ACSF3: variants seen among roughly 807,000 people sequenced by gnomAD.
The protein encoded by ACSF3 is malonate--CoA ligase ACSF3, mitochondrial.
Under a neutral mutation model 53.2 loss-of-function variants are expected in ACSF3, and 78 were observed. The observed-to-expected ratio is 1.47, with a 90% CI of 1.22 to 1.77. The LOEUF (loss-of-function observed/expected upper bound fraction) is 1.77, where lower values mean the gene tolerates loss of function less well. Among genes scored for constraint, ACSF3 ranks in the 40% most tolerant of loss-of-function variants. The pLI, the probability that ACSF3 is intolerant of heterozygous loss-of-function variation, is 0.00. For missense variants in ACSF3, 937 were observed against 771.1 expected, an observed-to-expected ratio of 1.22 and a Z score of -2.55; for synonymous variants, 414 against 333.1, an observed-to-expected ratio of 1.24 and a Z score of -2.65.
rs1417310668 is a variant in ACSF3 at position 89,155,299 on chromosome 16, AAG to A, written c.*1095_*1096del. ...TTCTGCCCCCGGAATGCACGTCTGAAAGAGTGGCCAGAAACGAGTGTGCCGGG... is the reference window on the plus strand; with the variant it reads ...TTCTGCCCCCGGAATGCACGTCTGAAAGTGGCCAGAAACGAGTGTGCCGGG... On this transcript the variant is annotated 3_prime_UTR_variant, in exon 11 of 11. Transcript: ENST00000614302. The A allele has an allele frequency of 4.4e-6, 2 of 453,968 alleles. No individual in the cohort carries two copies. The highest frequency in any genetic ancestry group is 6.9e-5 in the East Asian group (1 of 14,402). The allele number at this position is 453,968 out of a possible 1,614,324, so 28.1% of individuals were successfully genotyped here.
Position 89,100,882 on chromosome 16 carries a change from G to C in ACSF3, c.201G>C (p.Thr67=). Residue 67 remains threonine, a synonymous_variant, in exon 3 of 11, where the codon ACG becomes ACC. Coordinates refer to ENST00000614302, the MANE Select transcript of ACSF3 (RefSeq NM_001243279.3). The part of the protein sequence containing the change: ...IALVDQHGRH[T]YRELYSRSLR... ...TGGTTGACCAGCACGGCCGCCACAC[G>C]TACAGGGAGCTTTATTCCCGCAGCC... is the stretch of plus-strand genomic sequence containing the variant. 6.2e-7 allele frequency: 1 copy of C among 1,613,780 alleles called. No individual in the cohort carries two copies. The highest frequency in any genetic ancestry group is 1.1e-5 in the South Asian group (1 of 91,084).
chr16:89,133,768 T>C (rs1909836015), intron 8 of ACSF3, among the ~76,000 whole-genome samples: 1 of 152,234 alleles, frequency 6.6e-6, no homozygotes. Context: ...GCAGTGCGGC[T>C]GTTTGTTTAC....
chr16:89,116,885 C>T (rs1905217273), intron 6 of ACSF3, among the ~76,000 whole-genome samples: 1 of 152,220 alleles, frequency 6.6e-6, no homozygotes, highest in Non-Finnish European at 1.5e-5. Flanking sequence ...GCGGCACCAG[C>T]TGTTTCTTCG....
chr16:89,103,636 C>G (rs569468898), intron 4 of ACSF3, among the ~76,000 whole-genome samples: 2 of 152,340 alleles, frequency 1.3e-5, no homozygotes, highest in East Asian at 1.9e-4. Context: ...TAGGGCGTGA[C>G]CCTTTGAGCT....
At chr16:89,112,418 C>T (rs977287624) in intron 5 of ACSF3, among the ~76,000 whole-genome samples, 172 bp downstream of exon 5, 1 of 152,146 alleles carries the variant, frequency 6.6e-6, no homozygotes, top group Non-Finnish European at 1.5e-5. Flanking sequence ...CTGTCTCTCT[C>T]TCTCTCTACC....
chr16:89,147,260 T>G (rs1446781936), intron 10 of ACSF3, among the ~76,000 whole-genome samples: 2 of 48,880 alleles, frequency 4.1e-5, no homozygotes, highest in Non-Finnish European at 3.7e-5. Context: ...GGTCACAGAG[T>G]GAGTGAGGGA....
intron 7 of ACSF3, among the ~76,000 whole-genome samples, chr16:89,124,976 C>A (rs941677083): frequency 1.3e-5 from 2 of 152,204 alleles, no homozygotes; most frequent in African/African-American, 4.8e-5. Context: ...TATAGTAGGT[C>A]TTAACAATTG....
chr16:89,125,018 A>G (rs1180725597), intron 7 of ACSF3, among the ~76,000 whole-genome samples: 6 of 152,034 alleles, frequency 3.9e-5, no homozygotes, highest in African/African-American at 1.5e-4. Context: ...ATTCTTTCTC[A>G]GAGTTGTTTT....
intron 8 of ACSF3, among the ~76,000 whole-genome samples, chr16:89,133,524 T>C (rs1183528633): frequency 6.6e-6 from 1 of 152,172 alleles, no homozygotes; most frequent in Non-Finnish European, 1.5e-5. Flanking sequence ...GCTTCTACAC[T>C]GTCCCTCAGC....
Position 89,156,074 on chromosome 16 carries a change from C to T in ACSF3, c.*1867C>T, listed in dbSNP as rs1399580815. 6.6e-6 allele frequency among the ~76,000 whole-genome samples: 1 copy of T among 152,168 alleles called. No homozygotes were observed. The highest frequency in any genetic ancestry group is 6.5e-5 in the Admixed American group (1 of 15,270). On this transcript the variant is annotated 3_prime_UTR_variant, in exon 11 of 11. Coordinates refer to ENST00000614302, the MANE Select transcript of ACSF3 (RefSeq NM_001243279.3). ...TGTTCTAAAGTCACGAGTGACTCTC[C>T]AGCTGGTCCCTGTGCCAGGCTGGTC...
chr16:89,105,803 G>T (rs1249861348), intron 4 of ACSF3, among the ~76,000 whole-genome samples: 1 of 152,262 alleles, frequency 6.6e-6, no homozygotes, highest in Non-Finnish European at 1.5e-5. Flanking sequence ...CTCCCAGGGA[G>T]CTGAGGGCAG....
chr16:89,144,810 C>T (rs762172285), intron 8 of ACSF3, among the ~76,000 whole-genome samples: 15 of 152,222 alleles, frequency 9.9e-5, no homozygotes, highest in Non-Finnish European at 1.6e-4. Flanking sequence ...GTGCTTGTTG[C>T]TCAGAAAAGG....
At chr16:89,110,768 G>T (rs1487008148) in intron 4 of ACSF3, among the ~76,000 whole-genome samples, 1 of 152,164 alleles carries the variant, frequency 6.6e-6, no homozygotes, top group African/African-American at 2.4e-5. Flanking sequence ...TTCACAACAT[G>T]GAGTGTTCCC....
intron 4 of ACSF3, among the ~76,000 whole-genome samples, chr16:89,104,073 A>G (rs901135590): frequency 6.6e-6 from 1 of 151,996 alleles, no homozygotes; most frequent in Non-Finnish European, 1.5e-5. Context: ...GGCAAGAGTC[A>G]CTCACCAGGC....
intron 4 of ACSF3, among the ~76,000 whole-genome samples, chr16:89,105,437 G>A (rs1164112105): frequency 3.3e-5 from 5 of 152,206 alleles, no homozygotes; most frequent in African/African-American, 1.2e-4. Context: ...TGAGTTCCCC[G>A]TGAGTGCACT....
At chr16:89,102,509 G>A in intron 3 of ACSF3, 95 bp from the exon 4 acceptor site, 18 of 1,439,356 alleles carry the variant, frequency 1.3e-5, no homozygotes, top group Non-Finnish European at 1.6e-5. Flanking sequence ...TCAGTGGGGA[G>A]GCCCAGAGCT....
At chr16:89,094,173 CCT>C (rs138479816) in intron 1 of ACSF3, among the ~76,000 whole-genome samples, 177 bp downstream of exon 1, 2,563 of 151,920 alleles carry the variant, frequency 0.017, 64 homozygotes, top group African/African-American at 0.058. Flanking sequence ...GGACGCCGAG[CCT>C]CTCGTGTCCG....
chr16:89,128,377 C>G (rs1377601142), intron 7 of ACSF3, among the ~76,000 whole-genome samples: 17 of 151,860 alleles, frequency 1.1e-4, no homozygotes. Flanking sequence ...TCTCCTGCCT[C>G]AGCCTCCTGA....
rs752976454 is a variant in ACSF3 at position 89,154,343 on chromosome 16, T to G, written c.*136T>G. 9.5e-6 allele frequency: 8 copies of G among 844,270 alleles called. No individual in the cohort carries two copies. In the South Asian group the frequency reaches 1.0e-4, roughly 11 times the overall value. 52.3% of individuals were successfully genotyped at this position (844,270 alleles called of 1,614,324 possible). On this transcript the variant is annotated 3_prime_UTR_variant, in exon 11 of 11. Transcript: ENST00000614302. The stretch of plus-strand genomic sequence containing the variant: ...AATCAGGTCACGTAGAATCAAGAAC[T>G]GTTTGGGATGAAATCACCATGTGGG...
Sources: gnomAD v4.1 joint callset for allele counts (sites outside exome capture counted in the v4.1 genomes callset) on GRCh38, gnomAD v4.1.1 for gene constraint, MANE v1.5 for transcripts, NCBI Gene and HGNC (gene_info 2026-07-23, HGNC 2026-07-21) for gene names.